The following NPEPPS variants were observed in gnomAD, a reference collection of about 807,000 sequenced individuals.
The protein encoded by NPEPPS is aminopeptidase puromycin sensitive, also known as puromycin-sensitive aminopeptidase.
NPEPPS carries 14 observed loss-of-function variants against 115.5 expected under a neutral mutation model. The ratio of observed to expected loss-of-function variants is 0.12; its 90% CI spans 0.08 to 0.19. NPEPPS has a LOEUF of 0.19. Ranked by LOEUF, NPEPPS falls within the 10% of genes least tolerant of loss-of-function variation. The pLI is 1.00. For synonymous variants in NPEPPS, 285 were observed against 390.6 expected, an observed-to-expected ratio of 0.73 and a Z score of 3.19; for missense variants, 523 against 1,110.8, an observed-to-expected ratio of 0.47 and a Z score of 7.52.
chr17:47,613,979 A>T (rs8068095), intron 19 of NPEPPS, among the ~76,000 whole-genome samples: 67 of 141,362 alleles, frequency 4.7e-4, no homozygotes, highest in Non-Finnish European at 6.2e-4. Context: ...TCTTATTATT[A>T]TTTTTTTTTT....
upstream of NPEPPS, among the ~76,000 whole-genome samples, chr17:47,530,571 TG>T (rs567744912): frequency 1.2e-3 from 183 of 151,314 alleles, 1 homozygote; most frequent in African/African-American, 4.2e-3. Flanking sequence ...TTAGCCAGGA[TG>T]GTCTCGATCT....
chr17:47,573,873 G>C lies in NPEPPS; in HGVS notation c.418+4379G>C, dbSNP rs527777034. Among the ~76,000 whole-genome samples the C allele has an allele frequency of 2.0e-5, 3 of 152,158 alleles. No homozygotes were observed. The East Asian group carries it at 5.8e-4, about 29-fold the overall frequency. On this transcript the variant is annotated intron_variant, in intron 3 of 22. Transcript: ENST00000322157. ...ATTTTAAACTATGAACTATTATTTT[G>C]ATAGAAATTTAAAAAATTTTAGAGT... is the stretch of plus-strand genomic sequence containing the variant.
At chr17:47,581,939 C>G (rs1423939679) in intron 4 of NPEPPS, 1 of 152,204 alleles carries the variant, frequency 6.6e-6, no homozygotes, top group African/African-American at 2.4e-5. Context: ...CAGGTGATCG[C>G]CCACCTCGGC....
At chr17:47,591,788 T>C (rs1912521208) in intron 10 of NPEPPS, 168 bp from the exon 11 acceptor site, 4 of 491,040 alleles carry the variant, frequency 8.1e-6, no homozygotes, top group Non-Finnish European at 1.5e-5. Context: ...TATTCAACTT[T>C]ATTATTATTA....
In NPEPPS at chr17:47,599,728, G is replaced by A; in HGVS notation, c.1589G>A (p.Gly530Glu). Reference sequence around the variant, plus strand: ...TCCCAAAAGAAGTTCTGTGCTGGTGGGTCATATGTTGGTAAGTAAATGGCT... The same window carrying A: ...TCCCAAAAGAAGTTCTGTGCTGGTGAGTCATATGTTGGTAAGTAAATGGCT... ...RLSQKKFCAG[G>E]SYVGEDCPQW... is the part of the protein sequence containing the mutation. The change falls in exon 14 of 23, where the codon GGG becomes GAG. Residue 530 changes from glycine to glutamate, a missense_variant. By Grantham distance (98) the Gly-to-Glu change is moderately conservative (BLOSUM62 -2). Around this residue, in one of 4 missense-constraint regions of NPEPPS, gnomAD observed 372 missense variants for 542.6 expected, o/e 0.69. Transcript: ENST00000322157. 1.3e-6 allele frequency: 2 copies of A among 1,561,062 alleles called. No individual in the cohort carries two copies. The highest frequency in any genetic ancestry group is 1.7e-6 in the Non-Finnish European group (2 of 1,150,940).
Position 47,546,117 on chromosome 17 carries a change from GT to G in NPEPPS, c.340+127del, listed in dbSNP as rs989246917. 3.9e-5 allele frequency: 57 copies of G among 1,470,850 alleles called. No homozygotes were observed. In the African/African-American group the frequency reaches 7.4e-4, roughly 19 times the overall value. 91.1% of individuals were successfully genotyped at this position (1,470,850 alleles called of 1,614,324 possible). On this transcript the variant is annotated intron_variant, in intron 2 of 22. Transcript: ENST00000322157. The stretch of plus-strand genomic sequence containing the variant: ...GACATTTTCAGGTTAAGACTTCAAT[GT>G]TTGTTACTTTAGAAATGGGTAAATT...
intron 1 of NPEPPS, among the ~76,000 whole-genome samples, chr17:47,535,242 CAAA>C (rs1163530675): frequency 7.5e-4 from 43 of 57,104 alleles, no homozygotes; most frequent in African/African-American, 4.1e-3. Context: ...GACTCTGTCT[CAAA>C]AAAAAAAAAA....
intron 1 of NPEPPS, among the ~76,000 whole-genome samples, chr17:47,543,196 C>A (rs1163239873): frequency 6.6e-6 from 1 of 150,674 alleles, no homozygotes; most frequent in Non-Finnish European, 1.5e-5. Context: ...ACAAGCAGTT[C>A]ACAGTGGAAA....
chr17:47,612,433 T>G (rs370536632), intron 17 of NPEPPS, 27 bp from the exon 18 acceptor site: 16 of 1,611,958 alleles, frequency 9.9e-6, no homozygotes, highest in Non-Finnish European at 1.4e-5. Flanking sequence ...TTAAGTAGTC[T>G]TATGTCTCTT....
chr17:47,523,471 A>AG (rs1907301893), intron 1 of NPEPPS, among the ~76,000 whole-genome samples: 1 of 150,770 alleles, frequency 6.6e-6, no homozygotes, highest in Admixed American at 6.7e-5. Flanking sequence ...CCCAGGCTGG[A>AG]GTGCAATGGC....
upstream of NPEPPS, among the ~76,000 whole-genome samples, chr17:47,529,406 C>CT (rs1235224440): frequency 0.045 from 5,773 of 128,696 alleles, 205 homozygotes; most frequent in Middle Eastern, 0.15. Context: ...CCTGGGCCCA[C>CT]TTTTTTTTTT....
intron 18 of NPEPPS, among the ~76,000 whole-genome samples, chr17:47,612,836 T>C (rs903231935): frequency 2.0e-5 from 3 of 152,138 alleles, no homozygotes; most frequent in Non-Finnish European, 4.4e-5. Flanking sequence ...CTAATTTTTG[T>C]ATTTTCAGTA....
At chr17:47,596,089 G>A (rs866858825) in intron 12 of NPEPPS, 3 of 248,394 alleles carry the variant, frequency 1.2e-5, no homozygotes, top group Non-Finnish European at 2.3e-5. Flanking sequence ...GGAGGTCGAG[G>A]CTGCAGTGAG....
intron 2 of NPEPPS, among the ~76,000 whole-genome samples, chr17:47,554,434 T>G (rs1465301736): frequency 6.6e-6 from 1 of 152,098 alleles, no homozygotes; most frequent in Non-Finnish European, 1.5e-5. Context: ...CCATCATATC[T>G]CACTGCAGCC....
chr17:47,620,693 AG>A lies in NPEPPS; in HGVS notation c.2607+911del, dbSNP rs746407647. 1.4e-3 allele frequency among the ~76,000 whole-genome samples: 207 copies of A among 152,334 alleles called. 1 individual carries two copies. Among genetic ancestry groups the A allele is most frequent in the Non-Finnish European group, 1.7e-3 (113 of 68,036 alleles). ...GTAAATAAGGTTATTGATTTCTAAA[AG>A]GTCTATGTTTAATCAGATGGATTAG... On this transcript the variant is annotated intron_variant, in intron 22 of 22. Transcript: ENST00000322157.
chr17:47,585,659 A>G lies in NPEPPS; in HGVS notation c.808A>G (p.Thr270Ala). ...SKDGVCVRVY[T>A]PVGKAEQGKF... Reference sequence around the variant, plus strand: ...AGATGGTGTGTGTGTCCGTGTTTACACTCCTGTTGGCAAAGCAGAGCAAGG... The same window carrying G: ...AGATGGTGTGTGTGTCCGTGTTTACGCTCCTGTTGGCAAAGCAGAGCAAGG... The change falls in exon 6 of 23, where the codon ACT becomes GCT. Residue 270 changes from threonine to alanine, a missense_variant. Transcript: ENST00000322157. 4 of 1,613,852 alleles carry G rather than the reference A, an allele frequency of 2.5e-6. No individual in the cohort carries two copies. The highest frequency in any genetic ancestry group is 3.4e-6 in the Non-Finnish European group (4 of 1,179,852).
Position 47,622,174 on chromosome 17 carries a change from G to T in NPEPPS, c.*254G>T. On this transcript the variant is annotated 3_prime_UTR_variant, in exon 23 of 23. Coordinates refer to ENST00000322157, the MANE Select transcript of NPEPPS (RefSeq NM_006310.4). ...TGATAGTAATAAAATAGAGCATAAC[G>T]AAACTGTGAAACTTTCTGAAGCCTT... 1.1e-6 allele frequency: 1 copy of T among 898,230 alleles called. No individual in the cohort carries two copies. The highest frequency in any genetic ancestry group is 1.4e-6 in the Non-Finnish European group (1 of 709,788). The allele number at this position is 898,230 out of a possible 1,614,324, so 55.6% of individuals were successfully genotyped here.
chr17:47,598,109 CTT>C (rs953770149), intron 13 of NPEPPS, among the ~76,000 whole-genome samples: 1 of 152,178 alleles, frequency 6.6e-6, no homozygotes, highest in Non-Finnish European at 1.5e-5. Flanking sequence ...TAGACTGACT[CTT>C]TTAAGAATAT....
rs772585628 is a variant in NPEPPS, at chr17:47,622,992, T to C, written c.*1072T>C. ...AAAACAAAGACTGTAAGCCTGTGTG[T>C]GCCACTGTTTGCTTCAACAGTATAT... On this transcript the variant is annotated 3_prime_UTR_variant, in exon 23 of 23. Transcript: ENST00000322157. 2.9e-5 allele frequency: 13 copies of C among 442,542 alleles called. No homozygotes were observed. Among genetic ancestry groups the C allele is most frequent in the Non-Finnish European group, 4.5e-5 (10 of 222,752 alleles). 27.4% of individuals were successfully genotyped at this position (442,542 alleles called of 1,614,324 possible).
Sources: allele counts gnomAD v4.1 joint callset (sites outside exome capture counted in the v4.1 genomes callset), GRCh38; gene constraint gnomAD v4.1.1; regional missense constraint gnomAD v4.1.1; transcripts MANE v1.5; gene names NCBI Gene and HGNC (gene_info 2026-07-23, HGNC 2026-07-21).